Variants in AGBL1 observed in about 807,000 individuals in gnomAD.
AGBL1 encodes cytosolic carboxypeptidase 4.
In AGBL1, 130 loss-of-function variants were observed where a neutral mutation model predicts 118.9. The observed-to-expected ratio is 1.09, with a 90% confidence interval of 0.95 to 1.26. The LOEUF (loss-of-function observed/expected upper bound fraction) is 1.26, where lower values mean the gene tolerates loss of function less well. AGBL1 is among the 50% of genes most tolerant of loss of function. The pLI, the probability that AGBL1 is intolerant of heterozygous loss-of-function variation, is 0.00. For missense variants in AGBL1, 1,584 were observed against 1,298.1 expected (o/e 1.22, Z -3.38); for synonymous variants, 555 against 478.9 (o/e 1.16, Z -2.08).
At chr15:86,635,331 C>CCTCCTCCTA (rs1490940980) in intron 21 of AGBL1, among the ~76,000 whole-genome samples, 1 of 94,290 alleles carries the variant, frequency 1.1e-5, no homozygotes, top group African/African-American at 3.9e-5. Flanking sequence ...TCCTCCTCCT[C>CCTCCTCCTA]CTCCTCCTAC....
intron 1 of AGBL1, among the ~76,000 whole-genome samples, chr15:86,125,327 C>T (rs772656724): frequency 1.3e-5 from 2 of 152,298 alleles, no homozygotes; most frequent in East Asian, 1.9e-4. Flanking sequence ...TGAAGCCTTT[C>T]GTGACTAGAC....
At chr15:86,551,802 G>C (rs2083666637) in intron 20 of AGBL1, among the ~76,000 whole-genome samples, 1 of 152,096 alleles carries the variant, frequency 6.6e-6, no homozygotes, top group African/African-American at 2.4e-5. Context: ...GTATTATTCA[G>C]TGCTGAAAAG....
chr15:86,901,552 A>G (rs1226182321), intron 22 of AGBL1, among the ~76,000 whole-genome samples: 3 of 152,092 alleles, frequency 2.0e-5, no homozygotes, highest in Non-Finnish European at 4.4e-5. Flanking sequence ...TTGTTAGACC[A>G]ACTTATAAAG....
At chr15:86,649,689 C>T (rs533436362) in intron 21 of AGBL1, among the ~76,000 whole-genome samples, 2 of 147,688 alleles carry the variant, frequency 1.4e-5, no homozygotes, top group African/African-American at 5.0e-5. Flanking sequence ...TTTTAATGCA[C>T]AGGATTAATT....
At chr15:86,779,965 T>C (rs1281581081) in intron 22 of AGBL1, among the ~76,000 whole-genome samples, 1 of 151,970 alleles carries the variant, frequency 6.6e-6, no homozygotes, top group Admixed American at 6.6e-5. Context: ...CACTCCCTTG[T>C]CAGTATGTTT....
intron 22 of AGBL1, among the ~76,000 whole-genome samples, chr15:86,838,533 T>G (rs1036401540): frequency 6.6e-6 from 1 of 152,154 alleles, no homozygotes; most frequent in African/African-American, 2.4e-5. Context: ...CTTAGCAAGT[T>G]CACCATGATC....
chr15:86,555,137 G>T (rs867037988), intron 21 of AGBL1, among the ~76,000 whole-genome samples: 1 of 152,148 alleles, frequency 6.6e-6, no homozygotes, highest in African/African-American at 2.4e-5. Flanking sequence ...TATATTAACT[G>T]CATGAGCAGC....
At chr15:86,243,600 C>A (rs540656100) in intron 6 of AGBL1, among the ~76,000 whole-genome samples, 13 of 152,008 alleles carry the variant, frequency 8.6e-5, no homozygotes, top group Non-Finnish European at 1.9e-4. Flanking sequence ...CTAGGGGGTG[C>A]CAGGAAGCAG....
At chr15:86,131,021 T>C (rs1293411095) in intron 1 of AGBL1, among the ~76,000 whole-genome samples, 1 of 152,230 alleles carries the variant, frequency 6.6e-6, no homozygotes, top group Non-Finnish European at 1.5e-5. Flanking sequence ...GAGAGCTTAA[T>C]TGACTGTCTA....
chr15:86,228,796 C>T (rs779170985), intron 6 of AGBL1, among the ~76,000 whole-genome samples: 19 of 152,228 alleles, frequency 1.2e-4, no homozygotes, highest in Non-Finnish European at 2.2e-4. Context: ...AAACACATTT[C>T]CCGTCTCTGT....
At chr15:86,781,187 G>A (rs1409676952) in intron 22 of AGBL1, among the ~76,000 whole-genome samples, 1 of 151,892 alleles carries the variant, frequency 6.6e-6, no homozygotes, top group Non-Finnish European at 1.5e-5. Flanking sequence ...TACCTGACAT[G>A]TTTAGCCCAT....
chr15:86,303,827 C>T (rs1368306913), intron 17 of AGBL1, among the ~76,000 whole-genome samples: 1 of 152,018 alleles, frequency 6.6e-6, no homozygotes, highest in Non-Finnish European at 1.5e-5. Flanking sequence ...ATTTACAAAA[C>T]AATTACATAT....
In AGBL1 at chr15:86,342,920, G is replaced by A. The variant is rs971288116; in HGVS notation, c.2374+47512G>A. Reference sequence around the variant, plus strand: ...GATTTTCCTATGAGAGCAGCATTTTGTAAATTCAAAGGAGAAAGCTCACAT... The same window carrying A: ...GATTTTCCTATGAGAGCAGCATTTTATAAATTCAAAGGAGAAAGCTCACAT... On this transcript the variant is annotated intron_variant, in intron 17 of 22. Coordinates refer to ENST00000614907, the MANE Select transcript of AGBL1 (RefSeq NM_001386094.1). Among the ~76,000 whole-genome samples the A allele has an allele frequency of 3.9e-4, 60 of 152,196 alleles. 1 individual carries two copies. The highest frequency in any genetic ancestry group is 4.4e-5 in the Non-Finnish European group (3 of 68,020).
chr15:86,142,526 G>A (rs1010148211), intron 2 of AGBL1, among the ~76,000 whole-genome samples: 5 of 152,154 alleles, frequency 3.3e-5, no homozygotes, highest in Non-Finnish European at 5.9e-5. Context: ...GCTTCTATTC[G>A]CTCAAGTTCT....
chr15:86,887,163 A>G (rs1024359532), intron 22 of AGBL1, among the ~76,000 whole-genome samples: 2 of 152,210 alleles, frequency 1.3e-5, no homozygotes, highest in Non-Finnish European at 2.9e-5. Context: ...TAAGGTACAT[A>G]TATGTAAAGG....
intron 1 of AGBL1, among the ~76,000 whole-genome samples, chr15:86,130,288 A>C (rs764720559): frequency 6.6e-6 from 1 of 152,094 alleles, no homozygotes; most frequent in Non-Finnish European, 1.5e-5. Context: ...AGTCTGCCAC[A>C]CTGTCAAAAA....
intron 22 of AGBL1, among the ~76,000 whole-genome samples, chr15:86,727,678 A>G (rs2086841253): frequency 6.6e-6 from 1 of 152,222 alleles, no homozygotes; most frequent in South Asian, 2.1e-4. Context: ...TCTAATAATA[A>G]TGGGATATTT....
intron 24 of AGBL1, among the ~76,000 whole-genome samples, chr15:87,018,427 C>A (rs1230007107): frequency 6.6e-6 from 1 of 152,084 alleles, no homozygotes; most frequent in African/African-American, 2.4e-5. Context: ...CAGAAGAAAT[C>A]CTACAAGCCA....
At chr15:86,292,094 A>G (rs575129622) in intron 16 of AGBL1, among the ~76,000 whole-genome samples, 1 of 152,148 alleles carries the variant, frequency 6.6e-6, no homozygotes, top group African/African-American at 2.4e-5. Flanking sequence ...GACCTCCAAA[A>G]TGTCCACATC....
Sources: allele counts gnomAD v4.1 joint callset (sites outside exome capture counted in the v4.1 genomes callset), GRCh38; gene constraint gnomAD v4.1.1; transcripts MANE v1.5; gene names NCBI Gene and HGNC (gene_info 2026-07-23, HGNC 2026-07-21).